BNC2: variants seen among roughly 807,000 people sequenced by gnomAD.
The protein encoded by BNC2 is basonuclin zinc finger protein 2.
Under a neutral mutation model 76.3 loss-of-function variants are expected in BNC2, and 20 were observed. The ratio of observed to expected loss-of-function variants is 0.26; its 90% CI spans 0.18 to 0.38. BNC2 has a LOEUF of 0.38. BNC2 is among the 10% of genes least tolerant of loss of function. The pLI is 1.00. For missense variants in BNC2, 1,382 were observed against 1,399.8 expected (o/e 0.99, Z 0.20); for synonymous variants, 582 against 514.8 (o/e 1.13, Z -1.77).
chr9:16,429,971 C>T (rs544553601), intron 6 of BNC2: 4 of 515,684 alleles, frequency 7.8e-6, no homozygotes, highest in Non-Finnish European at 1.5e-5. Context: ...ACAAGGAGAC[C>T]GTTTTGCTCA....
chr9:16,468,878 T>C (rs923627522), intron 5 of BNC2, among the ~76,000 whole-genome samples: 7 of 152,192 alleles, frequency 4.6e-5, no homozygotes, highest in Non-Finnish European at 8.8e-5. Context: ...GTTGTCCATA[T>C]CCCCAATAAT....
intron 3 of BNC2, among the ~76,000 whole-genome samples, chr9:16,588,376 C>G (rs546808870): frequency 6.6e-6 from 1 of 152,126 alleles, no homozygotes; most frequent in Non-Finnish European, 1.5e-5. Flanking sequence ...CTTTGACATA[C>G]ATAATACCAT....
chr9:16,839,061 C>A (rs1249217685), intron 1 of BNC2, among the ~76,000 whole-genome samples: 1 of 152,178 alleles, frequency 6.6e-6, no homozygotes, highest in African/African-American at 2.4e-5. Context: ...TTCCTCCTTG[C>A]AGAAAGAGCT....
At chr9:16,713,162 CT>C (rs372420719) in intron 3 of BNC2, among the ~76,000 whole-genome samples, 2 of 152,072 alleles carry the variant, frequency 1.3e-5, no homozygotes, top group African/African-American at 4.8e-5. Context: ...CCCAGCTACA[CT>C]TTTTTTTAAG....
chr9:16,727,101 G>C (rs1388859096), intron 3 of BNC2: 1 of 152,680 alleles, frequency 6.5e-6, no homozygotes. Context: ...CCGAGGCTGC[G>C]CCCGAGTGAG....
intron 1 of BNC2, among the ~76,000 whole-genome samples, chr9:16,763,015 T>A (rs1357294506): frequency 6.6e-6 from 1 of 152,160 alleles, no homozygotes; most frequent in Non-Finnish European, 1.5e-5. Context: ...CACTTATCAA[T>A]ACAGTGATGT....
At chr9:16,846,124 A>C (rs990569132) in intron 1 of BNC2, among the ~76,000 whole-genome samples, 1 of 148,272 alleles carries the variant, frequency 6.7e-6, no homozygotes, top group Non-Finnish European at 1.5e-5. Context: ...TGGGAGACAG[A>C]GCGAGACACC....
intron 3 of BNC2, among the ~76,000 whole-genome samples, chr9:16,707,083 T>G (rs1823697699): frequency 1.3e-5 from 2 of 151,890 alleles, no homozygotes; most frequent in South Asian, 4.2e-4. Flanking sequence ...GCGCCTGTAG[T>G]CCCAGCTAAT....
At chr9:16,754,768 G>A (rs1054529556) in intron 1 of BNC2, among the ~76,000 whole-genome samples, 2 of 152,108 alleles carry the variant, frequency 1.3e-5, no homozygotes, top group Non-Finnish European at 2.9e-5. Flanking sequence ...ATCTTGGCCA[G>A]GCTGCTCTCG....
At chr9:16,445,429 T>C (rs1367126243) in intron 5 of BNC2, among the ~76,000 whole-genome samples, 4 of 152,152 alleles carry the variant, frequency 2.6e-5, no homozygotes, top group Admixed American at 6.6e-5. Context: ...GTAATATTTG[T>C]AGGCAGAATG....
rs1820514119 is a variant in BNC2 at position 16,413,275 on chromosome 9, A to G, written c.*5714T>C. On this transcript the variant is annotated 3_prime_UTR_variant, in exon 7 of 7. Coordinates refer to ENST00000380672, the MANE Select transcript of BNC2 (RefSeq NM_017637.6). ...ATAAAGATAGTTTTATGACAACTAT[A>G]GTATGTTGCTCCAAAAATATATATA... 6.6e-6 allele frequency: 1 copy of G among 152,146 alleles called. No homozygotes were observed. Among genetic ancestry groups the G allele is most frequent in the Non-Finnish European group, 1.5e-5 (1 of 68,016 alleles). The allele number at this position is 152,146 out of a possible 1,614,324, so 9.4% of individuals were successfully genotyped here. A position where few individuals can be genotyped will look rare whatever the true frequency, so the allele number is the denominator to read the frequency against.
chr9:16,711,492 C>T (rs971396533), intron 3 of BNC2, among the ~76,000 whole-genome samples: 3 of 152,114 alleles, frequency 2.0e-5, no homozygotes, highest in Non-Finnish European at 4.4e-5. Flanking sequence ...GATTATTGTT[C>T]GAAGATAAAC....
chr9:16,594,913 C>G (rs189504118), intron 3 of BNC2, among the ~76,000 whole-genome samples: 1 of 152,106 alleles, frequency 6.6e-6, no homozygotes, highest in African/African-American at 2.4e-5. Context: ...CCAATAGGAG[C>G]TTATAACCAA....
At chr9:16,800,955 A>G (rs1374824089) in intron 1 of BNC2, among the ~76,000 whole-genome samples, 1 of 152,208 alleles carries the variant, frequency 6.6e-6, no homozygotes, top group Non-Finnish European at 1.5e-5. Flanking sequence ...ATAACCAAAA[A>G]TTAAGTTGTT....
chr9:16,564,228 G>T (rs775980530), intron 4 of BNC2, among the ~76,000 whole-genome samples: 1 of 152,150 alleles, frequency 6.6e-6, no homozygotes, highest in African/African-American at 2.4e-5. Flanking sequence ...TAAGATATTC[G>T]TAAGTAACTC....
intron 3 of BNC2, chr9:16,726,921 G>C (rs1357385639): frequency 6.6e-6 from 1 of 152,318 alleles, no homozygotes; most frequent in Non-Finnish European, 1.5e-5. Context: ...TGCAAGAGGA[G>C]ACCGGCGCAC....
chr9:16,477,695 T>C (rs1281580166), intron 5 of BNC2, among the ~76,000 whole-genome samples: 3 of 152,226 alleles, frequency 2.0e-5, no homozygotes, highest in African/African-American at 7.2e-5. Flanking sequence ...CATTTCAGTT[T>C]TAACATTATA....
intron 1 of BNC2, among the ~76,000 whole-genome samples, chr9:16,866,450 T>C (rs1280540976): frequency 6.6e-6 from 1 of 151,824 alleles, no homozygotes; most frequent in Non-Finnish European, 1.5e-5. Context: ...GAAGCTACTT[T>C]TAATAGAACT....
chr9:16,743,651 C>G (rs1824914759), intron 1 of BNC2, among the ~76,000 whole-genome samples: 2 of 152,202 alleles, frequency 1.3e-5, no homozygotes, highest in South Asian at 4.1e-4. Flanking sequence ...CATCCCACAT[C>G]TGAACCACAC....
Sources: allele counts gnomAD v4.1 joint callset (sites outside exome capture counted in the v4.1 genomes callset), GRCh38; gene constraint gnomAD v4.1.1; transcripts MANE v1.5; gene names NCBI Gene and HGNC (gene_info 2026-07-23, HGNC 2026-07-21).